The following LRRC36 variants were observed in gnomAD, a reference collection of about 807,000 sequenced individuals.
The protein encoded by LRRC36 is leucine rich repeat containing 36.
A neutral mutation model predicts 81.1 loss-of-function variants in LRRC36; 62 were observed. The observed-to-expected ratio is 0.76, with a 90% CI of 0.62 to 0.94. The LOEUF (loss-of-function observed/expected upper bound fraction) is 0.94. Ranked by LOEUF, LRRC36 falls within the 40% of genes least tolerant of loss-of-function variation. The pLI, the probability that LRRC36 is intolerant of heterozygous loss-of-function variation, is 0.00. For synonymous variants in LRRC36, 334 were observed against 348.6 expected (o/e 0.96, Z 0.47); for missense variants, 761 against 881.7 (o/e 0.86, Z 1.73).
chr16:67,363,681 T>C lies in LRRC36; in HGVS notation c.669T>C (p.Asp223=), dbSNP rs890604968. ...CAACTCAGGGCAATGGTACACGTGA[T>C]CAGAAATTAGACACCTTCCCACTGG... is the stretch of plus-strand genomic sequence containing the variant. ...TSATQGNGTR[D]QKLDTFPLGT... is the part of the protein sequence containing the mutation. The change falls in exon 6 of 14, where the codon GAT becomes GAC. Residue 223 remains aspartate (D), a synonymous_variant. Transcript: ENST00000329956. 11 of 1,613,856 alleles carry C rather than the reference T, an allele frequency of 6.8e-6. No homozygotes were observed. The highest frequency in any genetic ancestry group is 9.3e-6 in the Non-Finnish European group (11 of 1,179,878).
At chr16:67,360,593 G>C (rs1438352616) in intron 5 of LRRC36, among the ~76,000 whole-genome samples, 1 of 152,214 alleles carries the variant, frequency 6.6e-6, no homozygotes, top group African/African-American at 2.4e-5. Context: ...GGACAAAAAG[G>C]TTGATAGCTC....
chr16:67,382,250 A>G lies in LRRC36; in HGVS notation c.2045+3A>G, dbSNP rs2040139427. On this transcript the variant is annotated splice_donor_region_variant and intron_variant, in intron 13 of 13. Coordinates refer to ENST00000329956, the MANE Select transcript of LRRC36 (RefSeq NM_018296.6). ...GCCATTCTCCATGAAAGTCAGAGGT[A>G]GGAGAGGGTCTATCTAGCTTGCTTC... 1.2e-6 allele frequency: 2 copies of G among 1,604,982 alleles called. No homozygotes were observed. Among genetic ancestry groups the G allele is most frequent in the Non-Finnish European group, 1.7e-6 (2 of 1,171,948 alleles).
At chr16:67,371,338 G>A (rs761972042) in intron 9 of LRRC36, 96 bp downstream of exon 9, 2 of 1,419,700 alleles carry the variant, frequency 1.4e-6, no homozygotes, top group Non-Finnish European at 9.9e-7. Flanking sequence ...CTGACCAACA[G>A]GGCTAGAAAT....
intron 9 of LRRC36, among the ~76,000 whole-genome samples, chr16:67,373,686 TG>T (rs2039756868): frequency 3.4e-5 from 4 of 118,960 alleles, no homozygotes; most frequent in East Asian, 4.6e-4. Context: ...CCAGCCTGGG[TG>T]ACAGAGCAAG....
intron 12 of LRRC36, among the ~76,000 whole-genome samples, chr16:67,379,166 G>A: frequency 6.6e-6 from 1 of 152,136 alleles, no homozygotes; most frequent in South Asian, 2.1e-4. Context: ...GCTCACACCT[G>A]CAATCCCAGC....
intron 5 of LRRC36, 34 bp from the exon 6 acceptor site, chr16:67,363,556 A>G: frequency 6.2e-7 from 1 of 1,610,482 alleles, no homozygotes; most frequent in Non-Finnish European, 8.5e-7. Context: ...CTGGTCAGTG[A>G]GTGCTTTATT....
chr16:67,354,492 G>T (rs2038809423), intron 5 of LRRC36, among the ~76,000 whole-genome samples: 2 of 152,084 alleles, frequency 1.3e-5, no homozygotes, highest in Non-Finnish European at 2.9e-5. Flanking sequence ...TGGCCAGGCT[G>T]GTCTGAAACC....
At chr16:67,327,068 G>T (rs910371185) in intron 1 of LRRC36, 136 bp downstream of exon 1, 12 of 813,578 alleles carry the variant, frequency 1.5e-5, no homozygotes, top group Non-Finnish European at 2.2e-5. Flanking sequence ...CTGGGGGGCG[G>T]GGGGATAACT....
intron 8 of LRRC36, among the ~76,000 whole-genome samples, chr16:67,369,570 T>G (rs1456417516): frequency 2.6e-5 from 4 of 152,186 alleles, no homozygotes; most frequent in Admixed American, 2.0e-4. Flanking sequence ...ACCCTTGTAT[T>G]AGTCTGTTCT....
chr16:67,366,929 G>A, intron 7 of LRRC36, 88 bp from the exon 8 acceptor site: 2 of 1,023,282 alleles, frequency 2.0e-6, no homozygotes, highest in East Asian at 4.8e-5. Flanking sequence ...CTGGCAGACA[G>A]AGAATATGTT....
At chr16:67,355,611 T>C (rs2038868708) in intron 5 of LRRC36, among the ~76,000 whole-genome samples, 1 of 152,124 alleles carries the variant, frequency 6.6e-6, no homozygotes, top group Middle Eastern at 3.4e-3. Flanking sequence ...CCTGACCTCA[T>C]GATCCGCCCG....
chr16:67,339,351 G>A (rs1597432742), intron 1 of LRRC36, among the ~76,000 whole-genome samples: 1 of 151,482 alleles, frequency 6.6e-6, no homozygotes, highest in East Asian at 1.9e-4. Context: ...CCCTGTACAT[G>A]TCTCAGGGAC....
chr16:67,331,367 T>A (rs2037483816), intron 1 of LRRC36, among the ~76,000 whole-genome samples: 1 of 151,758 alleles, frequency 6.6e-6, no homozygotes, highest in Non-Finnish European at 1.5e-5. Flanking sequence ...CTACAAAAAA[T>A]TTAAAAATTA....
In LRRC36 at chr16:67,367,284, T is replaced by C. The variant is rs1379453105; in HGVS notation, c.1022T>C (p.Leu341Pro). The C allele has an allele frequency of 6.2e-7, 1 of 1,614,150 alleles. No individual in the cohort carries two copies. The highest frequency in any genetic ancestry group is 1.1e-5 in the South Asian group (1 of 91,076). ...TATGACAGTTGTTATTCTCAAACTC[T>C]ATCCCTGCATGGAAGTCTTGGTAAA... The part of the protein sequence containing the change: ...ENYDSCYSQT[L>P]SLHGSLGKRP... The change falls in exon 8 of 14, where the codon CTA (leucine) becomes CCA (proline). Residue 341 changes from leucine (L) to proline (P), a missense_variant. This residue lies in a region of LRRC36 where 139 missense variants were observed against 214.0 expected (regional missense o/e 0.65). Coordinates refer to ENST00000329956, the MANE Select transcript of LRRC36 (RefSeq NM_018296.6).
chr16:67,378,218 C>A (rs1400481114), intron 11 of LRRC36, among the ~76,000 whole-genome samples: 1 of 148,258 alleles, frequency 6.7e-6, no homozygotes, highest in Admixed American at 6.7e-5. Context: ...TCTAAACACA[C>A]CTTAGCATGT....
chr16:67,328,279 G>A (rs2037299724), intron 1 of LRRC36, among the ~76,000 whole-genome samples: 2 of 152,230 alleles, frequency 1.3e-5, no homozygotes, highest in Admixed American at 6.5e-5. Context: ...CTGGGAGGCC[G>A]AGGCGGGCGG....
chr16:67,368,735 A>C (rs1042297500), intron 8 of LRRC36, among the ~76,000 whole-genome samples: 11 of 152,124 alleles, frequency 7.2e-5, no homozygotes, highest in African/African-American at 2.7e-4. Context: ...ATTTTTTTAA[A>C]ATGCTTTGGA....
At chr16:67,363,219 G>A (rs1285213620) in intron 5 of LRRC36, among the ~76,000 whole-genome samples, 1 of 152,204 alleles carries the variant, frequency 6.6e-6, no homozygotes, top group African/African-American at 2.4e-5. Context: ...TCCCCCTGTA[G>A]TTGGAGATTA....
intron 5 of LRRC36, among the ~76,000 whole-genome samples, chr16:67,354,812 A>C (rs896805563): frequency 6.6e-6 from 1 of 152,174 alleles, no homozygotes; most frequent in Non-Finnish European, 1.5e-5. Flanking sequence ...GGTGTTGTAC[A>C]TTCTATGGGC....
Sources: gnomAD v4.1 joint callset for allele counts (sites outside exome capture counted in the v4.1 genomes callset) on GRCh38, gnomAD v4.1.1 for gene constraint, gnomAD v4.1.1 regional missense constraint, MANE v1.5 for transcripts, NCBI Gene and HGNC (gene_info 2026-07-23, HGNC 2026-07-21) for gene names.